PRDX3: variants seen among roughly 807,000 people sequenced by gnomAD.
PRDX3 encodes thioredoxin-dependent peroxide reductase, mitochondrial.
Under a neutral mutation model 30.4 loss-of-function variants are expected in PRDX3, and 20 were observed. That is an observed-to-expected ratio of 0.66 (90% confidence interval 0.46 to 0.96). PRDX3 has a LOEUF of 0.96. Among genes scored for constraint, PRDX3 ranks in the 40% least tolerant of loss-of-function variants. PRDX3 has a pLI of 0.00. For missense variants in PRDX3, 322 were observed against 318.3 expected, an observed-to-expected ratio of 1.01 and a Z score of -0.09; for synonymous variants, 124 against 117.8, an observed-to-expected ratio of 1.05 and a Z score of -0.34.
chr10:119,177,777 C>T (rs1848074427), intron 1 of PRDX3, among the ~76,000 whole-genome samples: 1 of 151,772 alleles, frequency 6.6e-6, no homozygotes. Context: ...TCAAGGTTTT[C>T]CTTAGAAAAA....
Position 119,174,533 on chromosome 10 carries a change from C to T in PRDX3, c.229G>A (p.Val77Ile), listed in dbSNP as rs11554918. ...QHAPYFKGTA[V>I]VNGEFKDLSL... The stretch of plus-strand genomic sequence containing the variant: ...AGGTCTTTGAACTCTCCATTGACAA[C>T]GGCTGTACCCTTAAAATAGGGTGCA... Residue 77 changes from valine (V) to isoleucine (I), a missense_variant, in exon 3 of 7, where the codon GTT becomes ATT. Physicochemically the swap from Val to Ile is conservative, Grantham distance 29. Transcript: ENST00000298510. 31 of 1,612,062 alleles carry T rather than the reference C, an allele frequency of 1.9e-5. No homozygotes were observed. The highest frequency in any genetic ancestry group is 8.9e-5 in the East Asian group (4 of 44,838).
rs1448115402 is a variant in PRDX3, at chr10:119,177,092, G to A, written c.98C>T (p.Ala33Val). ...TGTCAAGCTCGTTCTTCCACATGCA[G>A]CAGGCCTGAGGGCTGCAGTGGCAGA... ...GISATAALRP[A>V]ACGRTSLTNL... The change falls in exon 2 of 7, where the codon GCT becomes GTT. Residue 33 changes from alanine (A) to valine (V), a missense_variant. Physicochemically the swap from Ala to Val is moderately conservative, Grantham distance 64. Transcript: ENST00000298510. The A allele has an allele frequency of 4.3e-6, 7 of 1,613,982 alleles. No homozygotes were observed. The highest frequency in any genetic ancestry group is 5.9e-6 in the Non-Finnish European group (7 of 1,179,914).
chr10:119,172,254 G>T, intron 5 of PRDX3, 128 bp downstream of exon 5: 1 of 772,118 alleles, frequency 1.3e-6, no homozygotes, highest in Non-Finnish European at 2.1e-6. Flanking sequence ...ACAGGCATGA[G>T]CCACCATGCC....
Position 119,169,258 on chromosome 10 carries a change from G to C in PRDX3, c.636C>G (p.Thr212=), listed in dbSNP as rs779943088. The part of the protein sequence containing the change: ...DLPVGRSVEE[T]LRLVKAFQYV... Reference sequence around the variant, plus strand: ...ACTGGAACGCCTTCACCAAGCGGAGGGTTTCTTCCACGCTTCGGCCCACTG... The same window carrying C: ...ACTGGAACGCCTTCACCAAGCGGAGCGTTTCTTCCACGCTTCGGCCCACTG... The change falls in exon 6 of 7, where the codon ACC becomes ACG. Residue 212 remains threonine, a synonymous_variant. Transcript: ENST00000298510. 36 of 1,613,642 alleles carry C rather than the reference G, an allele frequency of 2.2e-5. No homozygotes were observed. Among genetic ancestry groups the C allele is most frequent in the Non-Finnish European group, 3.0e-5 (35 of 1,179,976 alleles).
chr10:119,171,879 C>A (rs1263860286), intron 5 of PRDX3, among the ~76,000 whole-genome samples: 2 of 152,186 alleles, frequency 1.3e-5, no homozygotes, highest in African/African-American at 4.8e-5. Context: ...TACCTCTTAC[C>A]CTGCTAGTCC....
intron 1 of PRDX3, among the ~76,000 whole-genome samples, chr10:119,177,870 T>A (rs949149009): frequency 7.4e-6 from 1 of 134,234 alleles, no homozygotes; most frequent in African/African-American, 2.8e-5. Flanking sequence ...TCAAGGGACA[T>A]GTTTACTCAA....
In PRDX3 at chr10:119,174,435, T is replaced by C. The variant is rs769926563; in HGVS notation, c.311+16A>G. Reference sequence around the variant, plus strand: ...CTCTCAGAATGACACGAAAGCATCATAGAAATTACACTTACAAATCCAAAG... The same window carrying C: ...CTCTCAGAATGACACGAAAGCATCACAGAAATTACACTTACAAATCCAAAG... On this transcript the variant is annotated intron_variant, in intron 3 of 6. Transcript: ENST00000298510. The C allele has an allele frequency of 5.7e-6, 9 of 1,590,224 alleles. No homozygotes were observed. Among genetic ancestry groups the C allele is most frequent in the African/African-American group, 2.7e-5 (2 of 73,642 alleles).
chr10:119,176,851 C>G (rs1189726368), intron 2 of PRDX3, among the ~76,000 whole-genome samples, 170 bp downstream of exon 2: 1 of 152,230 alleles, frequency 6.6e-6, no homozygotes, highest in Non-Finnish European at 1.5e-5. Flanking sequence ...CCGGCACATC[C>G]TGGTCTCACC....
chr10:119,169,500 TATC>T (rs749279762), intron 5 of PRDX3, 158 bp from the exon 6 acceptor site: 23 of 613,052 alleles, frequency 3.8e-5, no homozygotes, highest in South Asian at 1.1e-4. Flanking sequence ...GCAAAAAACT[TATC>T]ATCTCTTACT....
intron 2 of PRDX3, among the ~76,000 whole-genome samples, chr10:119,174,965 G>T (rs907068524): frequency 2.0e-5 from 3 of 152,104 alleles, no homozygotes; most frequent in Admixed American, 2.0e-4. Flanking sequence ...TTTGTGTTCA[G>T]TATAGACACA....
In PRDX3 at chr10:119,178,767, C is replaced by G. The variant is rs778381278; in HGVS notation, c.24G>C (p.Leu8Phe). 2 of 1,552,778 alleles carry G rather than the reference C, an allele frequency of 1.3e-6. No homozygotes were observed. The highest frequency in any genetic ancestry group is 1.7e-6 in the Non-Finnish European group (2 of 1,148,140). Reference sequence around the variant, plus strand: ...GACAGCCACTCACCGACGCTCGGAGCAACCGTCCTACAGCAGCCGCCATCT... The same window carrying G: ...GACAGCCACTCACCGACGCTCGGAGGAACCGTCCTACAGCAGCCGCCATCT... MAAAVGR[L>F]LRASVARHVS... Residue 8 changes from leucine (L) to phenylalanine (F), a missense_variant, in exon 1 of 7, where the codon TTG becomes TTC. Physicochemically the swap from Leu to Phe is conservative, Grantham distance 22. Transcript: ENST00000298510.
chr10:119,177,158 A>G lies in PRDX3; in HGVS notation c.37-5T>C, dbSNP rs533440324. On this transcript the variant is annotated splice_polypyrimidine_tract_variant and splice_region_variant and intron_variant, in intron 1 of 6. Transcript: ENST00000298510. Reference sequence around the variant, plus strand: ...GGCACTCACATGTCGGGCAACCTGGAAAGAGAAACTTTTTATTAGAAAGTT... The same window carrying G: ...GGCACTCACATGTCGGGCAACCTGGGAAGAGAAACTTTTTATTAGAAAGTT... 2 of 1,612,642 alleles carry G rather than the reference A, an allele frequency of 1.2e-6. No homozygotes were observed. Among genetic ancestry groups the G allele is most frequent in the East Asian group, 4.5e-5 (2 of 44,892 alleles).
In PRDX3 at chr10:119,169,296, C is replaced by T. The variant is rs770228521; in HGVS notation, c.598G>A (p.Val200Ile). The part of the protein sequence containing the change: ...DPNGVIKHLS[V>I]NDLPVGRSVE... ...CTTCGGCCCACTGGGAGATCGTTGA[C>T]GCTCAAATGCTTGATGACTCCATTG... The change falls in exon 6 of 7, where the codon GTC becomes ATC. Residue 200 changes from valine (V) to isoleucine (I), a missense_variant. Coordinates refer to ENST00000298510, the MANE Select transcript of PRDX3 (RefSeq NM_006793.5). The T allele has an allele frequency of 2.5e-5, 40 of 1,613,980 alleles. No individual in the cohort carries two copies. In the South Asian group the frequency reaches 3.7e-4, roughly 15 times the overall value.
chr10:119,175,341 T>C (rs1278344338), intron 2 of PRDX3, among the ~76,000 whole-genome samples: 1 of 152,192 alleles, frequency 6.6e-6, no homozygotes, highest in Non-Finnish European at 1.5e-5. Context: ...CAGGAATGGT[T>C]GAAGGCCATG....
chr10:119,174,696 G>C, intron 2 of PRDX3, 104 bp from the exon 3 acceptor site: 1 of 1,163,318 alleles, frequency 8.6e-7, no homozygotes, highest in South Asian at 2.0e-5. Context: ...AAAGTGCTTA[G>C]TATAAATCAA....
Position 119,169,285 on chromosome 10 carries a change from G to C in PRDX3, c.609C>G (p.Leu203=). The C allele has an allele frequency of 6.2e-7, 1 of 1,614,106 alleles. No individual in the cohort carries two copies. The highest frequency in any genetic ancestry group is 8.5e-7 in the Non-Finnish European group (1 of 1,180,026). The part of the protein sequence containing the change: ...GVIKHLSVND[L]PVGRSVEETL... ...TTTCTTCCACGCTTCGGCCCACTGG[G>C]AGATCGTTGACGCTCAAATGCTTGA... is the stretch of plus-strand genomic sequence containing the variant. Residue 203 remains leucine (L), a synonymous_variant, in exon 6 of 7, where the codon CTC becomes CTG. Transcript: ENST00000298510.
intron 4 of PRDX3, 89 bp from the exon 5 acceptor site, chr10:119,172,574 G>T: frequency 9.3e-7 from 1 of 1,077,768 alleles, no homozygotes. Flanking sequence ...AACAGTAACG[G>T]CGATAGGTAA....
chr10:119,176,893 G>T, intron 2 of PRDX3, 128 bp downstream of exon 2: 1 of 1,115,774 alleles, frequency 9.0e-7, no homozygotes, highest in Non-Finnish European at 1.3e-6. Context: ...GTGGGACGGG[G>T]GCAGTGCTGT....
Position 119,177,139 on chromosome 10 carries a change from C to CACATGTCGGGCAACCTGGAAAGAGAAACT in PRDX3, c.37-15_50dup (p.Ser18ValfsTer10). 1.2e-6 allele frequency: 2 copies of CACATGTCGGGCAACCTGGAAAGAGAAACT among 1,613,258 alleles called. No individual in the cohort carries two copies. Among genetic ancestry groups the CACATGTCGGGCAACCTGGAAAGAGAAACT allele is most frequent in the Non-Finnish European group, 1.7e-6 (2 of 1,179,862 alleles). ...CAGAAATGCCCCAAGGAATGGCACTCACATGTCGGGCAACCTGGAAAGAGA... is the reference window on the plus strand; with the variant it reads ...CAGAAATGCCCCAAGGAATGGCACTCACATGTCGGGCAACCTGGAAAGAGAAACTACATGTCGGGCAACCTGGAAAGAGA... On this transcript the variant is annotated frameshift_variant, in exon 2 of 7. Transcript: ENST00000298510. LOFTEE classifies it high-confidence loss of function.
Sources: gnomAD v4.1 joint callset for allele counts (sites outside exome capture counted in the v4.1 genomes callset) on GRCh38, gnomAD v4.1.1 for gene constraint, MANE v1.5 for transcripts, NCBI Gene and HGNC (gene_info 2026-07-23, HGNC 2026-07-21) for gene names.